The following PCDHGA2 variants were observed in gnomAD, a reference collection of about 807,000 sequenced individuals.
PCDHGA2 encodes protocadherin gamma subfamily A, 2.
A neutral mutation model predicts 59.2 loss-of-function variants in PCDHGA2; 40 were observed. That is an observed-to-expected ratio of 0.68 (90% CI 0.52 to 0.88). The LOEUF (loss-of-function observed/expected upper bound fraction) is 0.88, where lower values mean the gene tolerates loss of function less well. Ranked by LOEUF, PCDHGA2 falls within the 40% of genes least tolerant of loss-of-function variation. The pLI is 0.00. For synonymous variants in PCDHGA2, 560 were observed against 526.0 expected, an observed-to-expected ratio of 1.06 and a Z score of -0.89; for missense variants, 1,226 against 1,204.0, an observed-to-expected ratio of 1.02 and a Z score of -0.27.
chr5:141,435,792 A>G (rs2097780110), intron 1 of PCDHGA2, among the ~76,000 whole-genome samples: 1 of 152,074 alleles, frequency 6.6e-6, no homozygotes, highest in South Asian at 2.1e-4. Context: ...AGGGAAACAT[A>G]ACGTCCCAAT....
At chr5:141,376,253 C>T (rs778244253) in intron 1 of PCDHGA2, 2 of 1,614,222 alleles carry the variant, frequency 1.2e-6, no homozygotes, top group East Asian at 4.5e-5. Flanking sequence ...CAAGTCACGC[C>T]TGCTGCAGGC....
chr5:141,341,036 C>G lies in PCDHGA2; in HGVS notation c.2065C>G (p.Leu689Val), dbSNP rs1429228660. 1 of 1,614,020 alleles carries G rather than the reference C, an allele frequency of 6.2e-7. No homozygotes were observed. Among genetic ancestry groups the G allele is most frequent in the Non-Finnish European group, 8.5e-7 (1 of 1,180,022 alleles). ...EPSAIPNDSD[L>V]TLYLVVAVAA... ...CTCCGCCATACCCAACGATTCGGAC[C>G]TCACTCTGTACCTGGTGGTGGCGGT... is the stretch of plus-strand genomic sequence containing the variant. The change falls in exon 1 of 4, where the codon CTC becomes GTC. Residue 689 changes from leucine to valine, a missense_variant. Transcript: ENST00000394576.
intron 1 of PCDHGA2, among the ~76,000 whole-genome samples, chr5:141,446,777 C>CTT (rs1480571336): frequency 1.3e-5 from 2 of 152,072 alleles, no homozygotes; most frequent in Non-Finnish European, 2.9e-5. Flanking sequence ...GGTTACCATT[C>CTT]TTTTACTCTG....
chr5:141,481,842 T>C (rs1402237517), intron 1 of PCDHGA2, among the ~76,000 whole-genome samples: 1 of 144,038 alleles, frequency 6.9e-6, no homozygotes, highest in Non-Finnish European at 1.5e-5. Flanking sequence ...AATCGCTTGA[T>C]GGTGGAGGTT....
chr5:141,370,882 G>T, intron 1 of PCDHGA2: 1 of 1,614,012 alleles, frequency 6.2e-7, no homozygotes, highest in Non-Finnish European at 8.5e-7. Context: ...CCTGATGTAG[G>T]TGTCAATTCG....
chr5:141,396,811 A>G (rs999771105), intron 1 of PCDHGA2, among the ~76,000 whole-genome samples: 1 of 152,226 alleles, frequency 6.6e-6, no homozygotes, highest in Non-Finnish European at 1.5e-5. Flanking sequence ...GTAGTGTTCT[A>G]CTGTATGGTG....
At chr5:141,374,621 G>A (rs1261974648) in intron 1 of PCDHGA2, 1 of 1,613,482 alleles carries the variant, frequency 6.2e-7, no homozygotes, top group Non-Finnish European at 8.5e-7. Flanking sequence ...TCACTTCTCA[G>A]TGGACGTGCA....
chr5:141,377,469 A>G (rs6896353), intron 1 of PCDHGA2: 23,351 of 151,970 alleles, frequency 0.15, 2,565 homozygotes, highest in African/African-American at 0.32. Context: ...TGTGGCGTAC[A>G]CCTGTAGTCC....
intron 1 of PCDHGA2, among the ~76,000 whole-genome samples, chr5:141,464,221 C>T (rs570804761): frequency 2.9e-4 from 44 of 149,624 alleles, no homozygotes; most frequent in African/African-American, 9.6e-4. Flanking sequence ...GCTGAGATTG[C>T]GCCACTGCAC....
At chr5:141,471,309 C>T (rs140651182) in intron 1 of PCDHGA2, 8,212 of 152,202 alleles carry the variant, frequency 0.054, 462 homozygotes, top group African/African-American at 0.15. Flanking sequence ...ACTCGGCCTC[C>T]CAAAGTGCTG....
intron 1 of PCDHGA2, among the ~76,000 whole-genome samples, chr5:141,488,553 T>C (rs2099676887): frequency 6.6e-6 from 1 of 152,166 alleles, no homozygotes; most frequent in South Asian, 2.1e-4. Flanking sequence ...TCAGCTGACA[T>C]TGAGATTTCC....
At chr5:141,450,730 G>A (rs1046738914) in intron 1 of PCDHGA2, among the ~76,000 whole-genome samples, 10 of 152,024 alleles carry the variant, frequency 6.6e-5, no homozygotes, top group Non-Finnish European at 1.2e-4. Flanking sequence ...CAGGTGATCC[G>A]CCCGCCTTGG....
At chr5:141,462,823 G>A (rs1420321501) in intron 1 of PCDHGA2, among the ~76,000 whole-genome samples, 1 of 152,170 alleles carries the variant, frequency 6.6e-6, no homozygotes, top group African/African-American at 2.4e-5. Flanking sequence ...TTGGACAGCA[G>A]ACATTGTAAA....
chr5:141,478,612 G>A (rs1311028260), intron 1 of PCDHGA2: 2 of 1,558,218 alleles, frequency 1.3e-6, no homozygotes, highest in African/African-American at 1.4e-5. Flanking sequence ...TATTGAGGAA[G>A]GAATGGAGCT....
intron 1 of PCDHGA2, chr5:141,371,107 A>AC (rs1370451724): frequency 5.0e-6 from 8 of 1,613,532 alleles, no homozygotes; most frequent in East Asian, 2.2e-5. Flanking sequence ...GCAAATGATA[A>AC]CCCCCCAGTA....
intron 1 of PCDHGA2, chr5:141,410,343 G>A (rs890241182): frequency 6.2e-7 from 1 of 1,613,964 alleles, no homozygotes; most frequent in Non-Finnish European, 8.5e-7. Flanking sequence ...ATTGCCTTGC[G>A]CCTGCGACGC....
chr5:141,485,525 C>A lies in PCDHGA2; in HGVS notation c.2425-9282C>A. On this transcript the variant is annotated intron_variant, in intron 1 of 3. Transcript: ENST00000394576. This position sits in a 1 kb window ranked among gnomAD's most constrained non-coding sequence, Gnocchi z 5.7. ...CACCGAAGGTCCTTTGGAAATGTAC[C>A]GAGCAGAGGTAGAGATCGTAGATGT... The A allele has an allele frequency of 5.6e-6, 9 of 1,614,122 alleles. No individual in the cohort carries two copies. Among genetic ancestry groups the A allele is most frequent in the Non-Finnish European group, 7.6e-6 (9 of 1,180,022 alleles).
In PCDHGA2 at chr5:141,512,385, A is replaced by G. The variant is rs78180647; in HGVS notation, c.*1212A>G. 6,750 of 152,704 alleles carry G rather than the reference A, an allele frequency of 0.044. 413 individuals carry two copies. Among genetic ancestry groups the G allele is most frequent in the Admixed American group, 0.18 (2,745 of 15,296 alleles). The allele number at this position is 152,704 out of a possible 1,614,324, so 9.5% of individuals were successfully genotyped here. ...TAGGGCAGGGACCAAATGAACAGAAAGTCTCAGCCCAGGATGGGGCTTCTT... is the reference window on the plus strand; with the variant it reads ...TAGGGCAGGGACCAAATGAACAGAAGGTCTCAGCCCAGGATGGGGCTTCTT... On this transcript the variant is annotated 3_prime_UTR_variant, in exon 4 of 4. Coordinates refer to ENST00000394576, the MANE Select transcript of PCDHGA2 (RefSeq NM_018915.4).
At position 141,500,184 on chromosome 5, in the gene PCDHGA2, TTTTATTTATTTATTTA is replaced by T. The variant is rs58019021; in HGVS notation, c.2484-5182_2484-5167del. Among the ~76,000 whole-genome samples the T allele has an allele frequency of 2.1e-3, 289 of 135,964 alleles. 1 individual carries two copies. Among genetic ancestry groups the T allele is most frequent in the Middle Eastern group, 0.016 (4 of 248 alleles). The allele number at this position is 135,964 out of a possible 152,430, so 89.2% of individuals were successfully genotyped here. A position where few individuals can be genotyped will look rare whatever the true frequency, so the allele number is the denominator to read the frequency against. On this transcript the variant is annotated intron_variant, in intron 2 of 3. Coordinates refer to ENST00000394576, the MANE Select transcript of PCDHGA2 (RefSeq NM_018915.4). ...GAACATGCATGAGCTTCATTTTTAT[TTTTATTTATTTATTTA>T]TTTATTTATTTATTTATTTATTTAT...
Sources: allele counts gnomAD v4.1 joint callset (sites outside exome capture counted in the v4.1 genomes callset), GRCh38; gene constraint gnomAD v4.1.1; non-coding constraint Gnocchi (gnomAD v3.1); transcripts MANE v1.5; gene names NCBI Gene and HGNC (gene_info 2026-07-23, HGNC 2026-07-21).